Variants in ZFYVE27 observed in about 807,000 individuals in gnomAD.
ZFYVE27 encodes zinc finger FYVE-type containing 27.
ZFYVE27 carries 36 observed loss-of-function variants against 52.8 expected under a neutral mutation model. The observed-to-expected ratio is 0.68, with a 90% confidence interval of 0.52 to 0.90. The LOEUF (loss-of-function observed/expected upper bound fraction) is 0.90, where lower values mean the gene tolerates loss of function less well. ZFYVE27 is among the 40% of genes least tolerant of loss of function. ZFYVE27 has a pLI of 0.00. For missense variants in ZFYVE27, 450 were observed against 527.2 expected, an observed-to-expected ratio of 0.85 and a Z score of 1.43; for synonymous variants, 223 against 215.6, an observed-to-expected ratio of 1.03 and a Z score of -0.30.
intron 2 of ZFYVE27, among the ~76,000 whole-genome samples, chr10:97,742,692 A>C (rs1016547126): frequency 2.0e-5 from 3 of 152,224 alleles, no homozygotes; most frequent in African/African-American, 4.8e-5. Flanking sequence ...TATTAGTTGA[A>C]TCTTGTGCAA....
intron 10 of ZFYVE27, chr10:97,754,825 A>G: frequency 1.0e-5 from 13 of 1,288,610 alleles, no homozygotes; most frequent in Non-Finnish European, 1.3e-5. Context: ...GGTCCAGCAA[A>G]TAATTTGTCT....
At position 97,744,720 on chromosome 10, in the gene ZFYVE27, A is replaced by C; in HGVS notation, c.269-9A>C. The C allele has an allele frequency of 6.2e-7, 1 of 1,613,220 alleles. No individual in the cohort carries two copies. The highest frequency in any genetic ancestry group is 8.5e-7 in the Non-Finnish European group (1 of 1,179,984). ...ACCTGTGTTACCTGCAGTGTTTTTG[A>C]TTCTGCAGGTGCATGGTACTCAGTA... On this transcript the variant is annotated splice_polypyrimidine_tract_variant and intron_variant, in intron 3 of 12. Transcript: ENST00000684270.
Position 97,757,273 on chromosome 10 carries a change from AC to A in ZFYVE27, c.1052del (p.Thr351ArgfsTer10). The A allele has an allele frequency of 6.2e-7, 1 of 1,614,156 alleles. No individual in the cohort carries two copies. The highest frequency in any genetic ancestry group is 2.2e-5 in the East Asian group (1 of 44,880). ...CTGCCTCTGTTTCTCAGGGAACTGC[AC>A]GGGCTGCTCGGCCACCTTCTCAGTG... The part of the protein sequence containing the change: ...RYPTNNFGNC[T>X]GCSATFSVLK... On this transcript the variant is annotated frameshift_variant, in exon 11 of 13. Coordinates refer to ENST00000684270, the MANE Select transcript of ZFYVE27 (RefSeq NM_001385875.1). LOFTEE classifies it high-confidence loss of function.
In ZFYVE27 at chr10:97,738,627, C is replaced by T; in HGVS notation, c.150C>T (p.Tyr50=). The T allele has an allele frequency of 1.2e-6, 2 of 1,614,194 alleles. No homozygotes were observed. Among genetic ancestry groups the T allele is most frequent in the Non-Finnish European group, 1.7e-6 (2 of 1,180,028 alleles). The change falls in exon 2 of 13, where the codon TAC becomes TAT. Residue 50 remains tyrosine (Y), a synonymous_variant. Transcript: ENST00000684270. ...TCTCCTACAAGAGGCTGGAGATCTA[C>T]CTGGAACCCTTGAAGGATGCAGGTG... The part of the protein sequence containing the change: ...LVLSYKRLEI[Y]LEPLKDAGDG...
intron 2 of ZFYVE27, among the ~76,000 whole-genome samples, chr10:97,741,721 C>T (rs1564806745): frequency 2.6e-5 from 4 of 152,080 alleles, no homozygotes. Flanking sequence ...ACGTAACAAA[C>T]CTGCACGTTC....
At chr10:97,747,681 GA>G (rs2045831948) in intron 4 of ZFYVE27, among the ~76,000 whole-genome samples, 2 of 152,020 alleles carry the variant, frequency 1.3e-5, no homozygotes, top group African/African-American at 4.8e-5. Context: ...TGTCATTTTT[GA>G]ATGCTTCCTT....
intron 10 of ZFYVE27, 30 bp from the exon 11 acceptor site, chr10:97,757,234 CG>C: frequency 6.2e-7 from 1 of 1,614,030 alleles, no homozygotes; most frequent in Non-Finnish European, 8.5e-7. Context: ...CTGGGATGGG[CG>C]GGGGTTGAGC....
intron 2 of ZFYVE27, among the ~76,000 whole-genome samples, chr10:97,740,406 TTATAATCTCAGC>T (rs1314373946): frequency 6.6e-6 from 1 of 152,226 alleles, no homozygotes; most frequent in Non-Finnish European, 1.5e-5. Context: ...TTTTCTCCTT[TTATAATCTCAGC>T]ATGATGTGAA....
At chr10:97,746,465 A>G (rs2045456529) in intron 4 of ZFYVE27, among the ~76,000 whole-genome samples, 2 of 152,208 alleles carry the variant, frequency 1.3e-5, no homozygotes, top group South Asian at 4.1e-4. Context: ...ACATATACAT[A>G]TTCTTTTCTT....
chr10:97,752,715 T>G, intron 8 of ZFYVE27, 142 bp from the exon 9 acceptor site: 1 of 936,870 alleles, frequency 1.1e-6, no homozygotes, highest in Non-Finnish European at 1.7e-6. Context: ...CGTCTGTCAA[T>G]GTCACCATTT....
chr10:97,739,885 G>GTTTTTTTTTTTTTTT (rs34955180), intron 2 of ZFYVE27, among the ~76,000 whole-genome samples: 2 of 137,264 alleles, frequency 1.5e-5, no homozygotes, highest in South Asian at 2.3e-4. Flanking sequence ...TTAGAAAAGT[G>GTTTTTTTTTTTTTTT]TTTTTTTTTT....
intron 2 of ZFYVE27, among the ~76,000 whole-genome samples, chr10:97,740,527 C>G (rs1209264664): frequency 1.3e-5 from 2 of 152,216 alleles, no homozygotes; most frequent in Non-Finnish European, 2.9e-5. Flanking sequence ...TGTATCCTGT[C>G]CTGCCCGTCT....
At chr10:97,745,197 A>G (rs930097291) in intron 4 of ZFYVE27, among the ~76,000 whole-genome samples, 1 of 135,764 alleles carries the variant, frequency 7.4e-6, no homozygotes, top group South Asian at 2.3e-4. Context: ...TTTTTTTGAG[A>G]CAGAGTTTCG....
chr10:97,746,032 T>TATATATATATATATATATATACAC (rs2136083621), intron 4 of ZFYVE27, among the ~76,000 whole-genome samples: 2 of 120,230 alleles, frequency 1.7e-5, no homozygotes, highest in African/African-American at 7.0e-5. Flanking sequence ...TATACACATA[T>TATATATATATATATATATATACAC]ATATATATAT....
chr10:97,748,394 C>T (rs1397624482), intron 5 of ZFYVE27, 30 bp downstream of exon 5: 4 of 1,607,334 alleles, frequency 2.5e-6, no homozygotes, highest in Non-Finnish European at 3.4e-6. Flanking sequence ...CCGCCACCAC[C>T]CTATAGGAAT....
Position 97,751,438 on chromosome 10 carries a change from T to C in ZFYVE27, c.852T>C (p.Asp284=). The C allele has an allele frequency of 1.9e-6, 3 of 1,613,926 alleles. No homozygotes were observed. The highest frequency in any genetic ancestry group is 2.5e-6 in the Non-Finnish European group (3 of 1,179,852). The change falls in exon 8 of 13, where the codon GAT becomes GAC. Residue 284 remains aspartate, a synonymous_variant. Transcript: ENST00000684270. ...AGGAGGCTGAGGAGGCTGAGCCAGA[T>C]GAAGAGTTTAAAGATGCGATTGAGG... The part of the protein sequence containing the change: ...SVEEAEEAEP[D]EEFKDAIEET...
chr10:97,755,992 G>C (rs115998694), intron 10 of ZFYVE27, among the ~76,000 whole-genome samples: 2 of 152,158 alleles, frequency 1.3e-5, no homozygotes, highest in Non-Finnish European at 2.9e-5. Flanking sequence ...CCCTGGCTCC[G>C]GTCTGTGAGT....
intron 2 of ZFYVE27, 66 bp downstream of exon 2, chr10:97,738,740 C>CA: frequency 6.3e-7 from 1 of 1,578,950 alleles, no homozygotes; most frequent in Non-Finnish European, 8.7e-7. Context: ...TAGTAACTAA[C>CA]ACTGACCATT....
chr10:97,750,311 G>T lies in ZFYVE27; in HGVS notation c.665-20G>T, dbSNP rs3750614. ...GTGTCTCATTTTTGCCTCCTACCTT[G>T]TTCTCCATTCCCTGGGTAGTTGTGT... is the stretch of plus-strand genomic sequence containing the variant. On this transcript the variant is annotated intron_variant, in intron 6 of 12. Coordinates refer to ENST00000684270, the MANE Select transcript of ZFYVE27 (RefSeq NM_001385875.1). The T allele has an allele frequency of 0.69, 1,111,651 of 1,613,214 alleles. 389,624 individuals carry two copies. Among genetic ancestry groups the T allele is most frequent in the Non-Finnish European group, 0.72 (851,945 of 1,179,824 alleles).
Sources: allele counts gnomAD v4.1 joint callset (sites outside exome capture counted in the v4.1 genomes callset), GRCh38; gene constraint gnomAD v4.1.1; transcripts MANE v1.5; gene names NCBI Gene and HGNC (gene_info 2026-07-23, HGNC 2026-07-21).